SND1: variants seen among roughly 807,000 people sequenced by gnomAD.
SND1 encodes staphylococcal nuclease and tudor domain containing 1, also known as staphylococcal nuclease domain-containing protein 1.
Under a neutral mutation model 121.7 loss-of-function variants are expected in SND1, and 38 were observed. The observed-to-expected ratio is 0.31, with a 90% CI of 0.24 to 0.41. The LOEUF is 0.41. SND1 is among the 10% of genes least tolerant of loss of function. The pLI, the probability that SND1 is intolerant of heterozygous loss-of-function variation, is 1.00. For synonymous variants in SND1, 401 were observed against 447.4 expected, an observed-to-expected ratio of 0.90 and a Z score of 1.31; for missense variants, 868 against 1,184.6, an observed-to-expected ratio of 0.73 and a Z score of 3.92.
chr7:127,873,908 C>T (rs958454295), intron 12 of SND1, among the ~76,000 whole-genome samples: 4 of 147,626 alleles, frequency 2.7e-5, no homozygotes, highest in African/African-American at 9.7e-5. Flanking sequence ...CTATTCTAAA[C>T]AAAAGGAAGA....
chr7:127,840,043 T>TATG (rs147412184), intron 11 of SND1, among the ~76,000 whole-genome samples: 2,955 of 152,334 alleles, frequency 0.019, 55 homozygotes, highest in Non-Finnish European at 0.027. Context: ...TGATTATATA[T>TATG]TTACTCATGC....
chr7:127,683,554 G>A (rs1795764128), intron 1 of SND1, among the ~76,000 whole-genome samples: 1 of 152,172 alleles, frequency 6.6e-6, no homozygotes, highest in South Asian at 2.1e-4. Context: ...TCTGTGAGTG[G>A]TAGGAGGGAA....
intron 13 of SND1, among the ~76,000 whole-genome samples, chr7:127,891,932 G>A (rs1030927284): frequency 2.0e-5 from 3 of 152,184 alleles, no homozygotes; most frequent in East Asian, 1.9e-4. Context: ...TCAGTCATTC[G>A]TTCTGACACT....
At chr7:128,037,134 T>C (rs992417502) in intron 16 of SND1, among the ~76,000 whole-genome samples, 3 of 152,194 alleles carry the variant, frequency 2.0e-5, no homozygotes, top group African/African-American at 7.2e-5. Context: ...AGTTGGTGAT[T>C]TAAAGCAGAA....
intron 10 of SND1, among the ~76,000 whole-genome samples, chr7:127,799,434 T>A (rs1008618414): frequency 2.6e-5 from 4 of 152,196 alleles, no homozygotes; most frequent in African/African-American, 9.7e-5. Flanking sequence ...TATTATTCTT[T>A]AAGTTCTAGT....
intron 16 of SND1, among the ~76,000 whole-genome samples, chr7:128,004,047 T>C (rs557457667): frequency 1.7e-4 from 26 of 152,138 alleles, no homozygotes; most frequent in Admixed American, 1.3e-3. Context: ...TCTTTTTTTT[T>C]TTTTTTTGCC....
intron 4 of SND1, among the ~76,000 whole-genome samples, chr7:127,700,274 A>G (rs1488729182): frequency 6.6e-6 from 1 of 152,132 alleles, no homozygotes; most frequent in African/African-American, 2.4e-5. Context: ...AATCTCTTAC[A>G]CTACATTTCT....
chr7:127,791,464 T>A (rs1048998694), intron 10 of SND1, among the ~76,000 whole-genome samples: 8 of 152,208 alleles, frequency 5.3e-5, no homozygotes, highest in African/African-American at 9.7e-5. Flanking sequence ...TACTTTTTTT[T>A]AATTGTGGTA....
chr7:127,865,755 C>T (rs935057585), intron 12 of SND1, among the ~76,000 whole-genome samples: 4 of 151,744 alleles, frequency 2.6e-5, no homozygotes, highest in African/African-American at 9.7e-5. Flanking sequence ...TACAGGCATG[C>T]CATCATGCTC....
intron 16 of SND1, among the ~76,000 whole-genome samples, chr7:128,004,780 AG>A (rs1190187271): frequency 1.3e-5 from 2 of 152,176 alleles, no homozygotes; most frequent in Non-Finnish European, 2.9e-5. Context: ...TGTCTGCATA[AG>A]GCCGTATTTA....
intron 10 of SND1, among the ~76,000 whole-genome samples, chr7:127,777,196 T>A (rs1270445852): frequency 6.6e-6 from 1 of 152,242 alleles, no homozygotes; most frequent in African/African-American, 2.4e-5. Context: ...TGCACTCTCC[T>A]GTCTACCTCC....
rs746120411 is a variant in SND1, at chr7:127,652,332, G to GTCCGGCCAGCCGCTCCAC, written c.-39_-22dup. ...ACCGACACCCACATTGACACCTCCAGTCCGGCCAGCCGCTCCACTCGTTGC... is the reference window on the plus strand; with the variant it reads ...ACCGACACCCACATTGACACCTCCAGTCCGGCCAGCCGCTCCACTCCGGCCAGCCGCTCCACTCGTTGC... On this transcript the variant is annotated 5_prime_UTR_variant, in exon 1 of 24. Transcript: ENST00000354725. 8 of 1,540,118 alleles carry GTCCGGCCAGCCGCTCCAC rather than the reference G, an allele frequency of 5.2e-6. No homozygotes were observed. The African/African-American group carries it at 1.1e-4, about 21-fold the overall frequency.
intron 11 of SND1, among the ~76,000 whole-genome samples, chr7:127,829,257 C>A (rs1220416993): frequency 6.6e-6 from 1 of 152,060 alleles, no homozygotes; most frequent in Non-Finnish European, 1.5e-5. Context: ...TTCTTTGCAT[C>A]CTGAACAGTG....
intron 10 of SND1, among the ~76,000 whole-genome samples, chr7:127,722,024 A>ATT (rs112537277): frequency 1.3e-5 from 2 of 151,518 alleles, no homozygotes; most frequent in African/African-American, 4.8e-5. Flanking sequence ...AGATAGACTG[A>ATT]TTTTTTTTTG....
rs1455307455 is a variant in SND1, at chr7:128,029,314, T to C, written c.1779+38258T>C. Reference sequence around the variant, plus strand: ...TAGTTGGAGGTGTTAAGCTCAGCCGTGCTCACATTGAGGTAGGCCGAGGCG... The same window carrying C: ...TAGTTGGAGGTGTTAAGCTCAGCCGCGCTCACATTGAGGTAGGCCGAGGCG... On this transcript the variant is annotated intron_variant, in intron 16 of 23. Transcript: ENST00000354725. This position sits in a 1 kb window ranked among gnomAD's most constrained non-coding sequence, Gnocchi z 4.2. 1 of 1,614,172 alleles carries C rather than the reference T, an allele frequency of 6.2e-7. No homozygotes were observed. The highest frequency in any genetic ancestry group is 1.7e-5 in the Admixed American group (1 of 60,028).
chr7:127,690,969 A>C (rs1430665172), intron 2 of SND1, among the ~76,000 whole-genome samples: 1 of 152,172 alleles, frequency 6.6e-6, no homozygotes, highest in Non-Finnish European at 1.5e-5. Context: ...GCCCCACTGT[A>C]TGCCCCCAGC....
At position 128,029,920 on chromosome 7, in the gene SND1, G is replaced by A; in HGVS notation, c.1779+38864G>A. ...ACCCAGAGCTTCTTGAGGGAGCTCA[G>A]GCCATGGAAGGAGCCAGGCCTGATC... On this transcript the variant is annotated intron_variant, in intron 16 of 23. Coordinates refer to ENST00000354725, the MANE Select transcript of SND1 (RefSeq NM_014390.4). This position sits in a 1 kb window ranked among gnomAD's most constrained non-coding sequence, Gnocchi z 4.2. 1 of 1,613,230 alleles carries A rather than the reference G, an allele frequency of 6.2e-7. No homozygotes were observed. Among genetic ancestry groups the A allele is most frequent in the Non-Finnish European group, 8.5e-7 (1 of 1,180,034 alleles).
chr7:127,888,030 TA>T lies in SND1; in HGVS notation c.1454+21del. 6.4e-7 allele frequency: 1 copy of T among 1,564,020 alleles called. No individual in the cohort carries two copies. On this transcript the variant is annotated intron_variant, in intron 13 of 23. Coordinates refer to ENST00000354725, the MANE Select transcript of SND1 (RefSeq NM_014390.4). ...GAGGCCAGGTAAGACCAAACATTACTAAACACATGGGGAACCCACACCCTCA... is the reference window on the plus strand; with the variant it reads ...GAGGCCAGGTAAGACCAAACATTACTAACACATGGGGAACCCACACCCTCA...
chr7:127,958,628 T>G (rs981348823), intron 15 of SND1, among the ~76,000 whole-genome samples: 14 of 152,198 alleles, frequency 9.2e-5, no homozygotes, highest in African/African-American at 2.7e-4. Context: ...ATATGACACA[T>G]CTTAGCTTGA....
Sources: allele counts gnomAD v4.1 joint callset (sites outside exome capture counted in the v4.1 genomes callset), GRCh38; gene constraint gnomAD v4.1.1; non-coding constraint Gnocchi (gnomAD v3.1); transcripts MANE v1.5; gene names NCBI Gene and HGNC (gene_info 2026-07-23, HGNC 2026-07-21).